HGFAC: variants seen among roughly 807,000 people sequenced by gnomAD.
The protein encoded by HGFAC is hepatocyte growth factor activator serine protease.
Under a neutral mutation model 70.6 loss-of-function variants are expected in HGFAC, and 76 were observed. The observed-to-expected ratio is 1.08, with a 90% CI of 0.89 to 1.30. The LOEUF (loss-of-function observed/expected upper bound fraction) is 1.30. HGFAC is among the 50% of genes most tolerant of loss of function. The pLI is 0.00. For missense variants in HGFAC, 1,044 were observed against 933.7 expected (o/e 1.12, Z -1.54); for synonymous variants, 464 against 405.3 (o/e 1.14, Z -1.74).
intron 12 of HGFAC, 35 bp from the exon 13 acceptor site, chr4:3,448,091 AGT>A: frequency 2.6e-6 from 4 of 1,566,648 alleles, no homozygotes; most frequent in Non-Finnish European, 3.5e-6. Flanking sequence ...GGCCAGCCAC[AGT>A]GTGGGTGTCA....
At position 3,446,166 on chromosome 4, in the gene HGFAC, C is replaced by T. The variant is rs769652550; in HGVS notation, c.1227C>T (p.Ile409=). Reference sequence around the variant, plus strand: ...GGACGTTCCTGCGGCCACGTATCATCGGCGGCTCCTCCTCGCTGCCCGGCT... The same window carrying T: ...GGACGTTCCTGCGGCCACGTATCATTGGCGGCTCCTCCTCGCTGCCCGGCT... ...KKRTFLRPRI[I]GGSSSLPGSH... is the part of the protein sequence containing the mutation. Residue 409 remains isoleucine, a synonymous_variant, in exon 10 of 14, where the codon ATC becomes ATT. Coordinates refer to ENST00000382774, the MANE Select transcript of HGFAC (RefSeq NM_001528.4). The T allele has an allele frequency of 7.2e-5, 116 of 1,611,512 alleles. 2 individuals are homozygous for T. The highest frequency in any genetic ancestry group is 5.7e-4 in the South Asian group (52 of 90,870).
intron 6 of HGFAC, 83 bp downstream of exon 6, chr4:3,444,525 C>T (rs1453061524): frequency 1.3e-6 from 2 of 1,507,144 alleles, no homozygotes; most frequent in Non-Finnish European, 1.8e-6. Context: ...GGCCTGAGGT[C>T]ACCCAGAAAC....
At chr4:3,441,235 C>T (rs551689248), upstream of HGFAC, among the ~76,000 whole-genome samples, 5 of 152,282 alleles carry the variant, frequency 3.3e-5, no homozygotes, top group South Asian at 4.1e-4. This position sits in a 1 kb window ranked among gnomAD's most constrained non-coding sequence, Gnocchi z 6.0. Flanking sequence ...ACCATCCAGG[C>T]GGCGGTGGGG....
At position 3,444,660 on chromosome 4, in the gene HGFAC, C is replaced by A; in HGVS notation, c.768C>A (p.Cys256Ter). ...LSSPCLNGGTCHLIVATGTTV... is the reference protein window; with the variant it reads ...LSSPCLNGGT ...GCCCTTGCCTGAACGGGGGCACCTG[C>A]CACCTGATCGTGGCCACCGGGACCA... Residue 256 changes from cysteine to a stop codon, truncating the protein, a stop_gained, in exon 7 of 14, where the codon TGC becomes TGA. Transcript: ENST00000382774. LOFTEE classifies it high-confidence loss of function. 1 of 1,598,210 alleles carries A rather than the reference C, an allele frequency of 6.3e-7. No homozygotes were observed. The highest frequency in any genetic ancestry group is 8.5e-7 in the Non-Finnish European group (1 of 1,178,502).
rs1432582037 is a variant in HGFAC at position 3,448,235 on chromosome 4, C to T, written c.1744C>T (p.Leu582Phe). 6.2e-7 allele frequency: 1 copy of T among 1,608,964 alleles called. No individual in the cohort carries two copies. The highest frequency in any genetic ancestry group is 8.5e-7 in the Non-Finnish European group (1 of 1,179,238). ...CGGCGCCGACATCAGCCCCAACATGCTCTGTGCCGGCTACTTCGACTGCAA... is the reference window on the plus strand; with the variant it reads ...CGGCGCCGACATCAGCCCCAACATGTTCTGTGCCGGCTACTTCGACTGCAA... ...VYGADISPNMLCAGYFDCKSD... is the reference protein window; with the variant it reads ...VYGADISPNMFCAGYFDCKSD... The change falls in exon 13 of 14, where the codon CTC becomes TTC. Residue 582 changes from leucine (L) to phenylalanine (F), a missense_variant. By Grantham distance (22) the Leu-to-Phe change is conservative. Transcript: ENST00000382774.
At position 3,447,553 on chromosome 4, in the gene HGFAC, G is replaced by A. The variant is rs560293902; in HGVS notation, c.1417G>A (p.Val473Met). The change falls in exon 11 of 14, where the codon GTG (valine) becomes ATG (methionine). Residue 473 changes from valine (V) to methionine (M), a missense_variant. By Grantham distance (21) the Val-to-Met change is conservative. Transcript: ENST00000382774. The stretch of plus-strand genomic sequence containing the variant: ...GCACTTCTTCAACCGCACGACGGAC[G>A]TGACGCAGACCTTCGGCATCGAGAA... ...GQHFFNRTTD[V>M]TQTFGIEKYI... 9.9e-6 allele frequency: 16 copies of A among 1,612,682 alleles called. No individual in the cohort carries two copies. Among genetic ancestry groups the A allele is most frequent in the Middle Eastern group, 1.7e-4 (1 of 6,060 alleles).
intron 4 of HGFAC, 63 bp from the exon 5 acceptor site, chr4:3,443,976 A>G (rs1725399467): frequency 4.0e-5 from 60 of 1,500,284 alleles, no homozygotes; most frequent in Middle Eastern, 1.8e-4. Context: ...CAAGCAGAGA[A>G]TGTCACAGAG....
intron 6 of HGFAC, 50 bp from the exon 7 acceptor site, chr4:3,444,573 T>C: frequency 6.5e-7 from 1 of 1,527,700 alleles, no homozygotes; most frequent in South Asian, 1.2e-5. Context: ...GACTCCGCTG[T>C]CGTGGGGCAC....
rs113812308 is a variant in HGFAC at position 3,448,135 on chromosome 4, C to T, written c.1644C>T (p.Ser548=). 56 of 1,591,340 alleles carry T rather than the reference C, an allele frequency of 3.5e-5. 1 individual carries two copies. The highest frequency in any genetic ancestry group is 3.5e-4 in the African/African-American group (26 of 74,618). The change falls in exon 13 of 14, where the codon AGC becomes AGT. Residue 548 remains serine, a synonymous_variant. Coordinates refer to ENST00000382774, the MANE Select transcript of HGFAC (RefSeq NM_001528.4). The part of the protein sequence containing the change: ...AGWGHLDENV[S]GYSSSLREAL... ...GGGCATTGTGTCCCACAGACGTGAG[C>T]GGCTACTCCAGCTCCCTGCGGGAGG...
upstream of HGFAC, chr4:3,441,878 C>T: frequency 3.6e-6 from 2 of 554,004 alleles, no homozygotes; most frequent in Non-Finnish European, 6.0e-6. The surrounding 1 kb of genome is among the most constrained non-coding windows in gnomAD (Gnocchi z 6.0). Flanking sequence ...GGGACTTCCT[C>T]TCCGGCTGGG....
intron 13 of HGFAC, 78 bp downstream of exon 13, chr4:3,448,354 G>A: frequency 6.6e-7 from 1 of 1,521,310 alleles, no homozygotes; most frequent in Non-Finnish European, 8.9e-7. Flanking sequence ...GCTTGCCCCT[G>A]GGGAGCCCAG....
At chr4:3,441,889 C>A (rs761791579), upstream of HGFAC, 9 of 580,978 alleles carry the variant, frequency 1.5e-5, no homozygotes, top group Non-Finnish European at 2.5e-5. The surrounding 1 kb of genome is among the most constrained non-coding windows in gnomAD (Gnocchi z 6.0). Flanking sequence ...TCCGGCTGGG[C>A]CCGCCTGACG....
rs778396584 is a variant in HGFAC, at chr4:3,444,090, C to G, written c.527C>G (p.Ser176Cys). The G allele has an allele frequency of 3.1e-6, 5 of 1,612,198 alleles. No individual in the cohort carries two copies. In the East Asian group the frequency reaches 8.9e-5, roughly 29 times the overall value. Residue 176 changes from serine (S) to cysteine (C), a missense_variant, in exon 5 of 14, where the codon TCC becomes TGC. Physicochemically the swap from Ser to Cys is moderately radical, Grantham distance 112 (BLOSUM62 -1). Transcript: ENST00000382774. ...SGPCLNGGSC[S>C]NTQDPQSYHC... Reference sequence around the variant, plus strand: ...CCCTGCCTCAATGGAGGCTCCTGCTCCAATACCCAGGACCCCCAGTCCTAT... The same window carrying G: ...CCCTGCCTCAATGGAGGCTCCTGCTGCAATACCCAGGACCCCCAGTCCTAT...
At position 3,449,185 on chromosome 4, in the gene HGFAC, G is replaced by A. The variant is rs140632987; in HGVS notation, c.1786-52G>A. ...AAGCTGCCACTTGGGGGAGAGGGGG[G>A]TCCCTGAACCAGGCCCCTGGGAGGG... On this transcript the variant is annotated intron_variant, in intron 13 of 13. Coordinates refer to ENST00000382774, the MANE Select transcript of HGFAC (RefSeq NM_001528.4). 1.3e-3 allele frequency: 2,028 copies of A among 1,536,010 alleles called. 22 individuals are homozygous for A. The African/African-American group carries it at 0.025, about 19-fold the overall frequency.
chr4:3,445,566 G>C, intron 9 of HGFAC: 1 of 607,122 alleles, frequency 1.6e-6, no homozygotes, highest in Non-Finnish European at 2.9e-6. Flanking sequence ...GTCACCAGGC[G>C]ACGGCCTCGG....
intron 2 of HGFAC, 32 bp from the exon 3 acceptor site, chr4:3,443,018 G>A: frequency 6.4e-7 from 1 of 1,563,138 alleles, no homozygotes; most frequent in Non-Finnish European, 8.7e-7. Context: ...GCCCCTCGAG[G>A]GAGCCCTGAC....
intron 1 of HGFAC, 22 bp downstream of exon 1, chr4:3,442,140 G>T (rs757756219): frequency 6.5e-7 from 1 of 1,532,274 alleles, no homozygotes; most frequent in South Asian, 1.2e-5. Flanking sequence ...CCTTGTCGCA[G>T]TGCGACCAGA....
At chr4:3,445,657 GC>G (rs1395323402) in intron 9 of HGFAC, 5 of 605,502 alleles carry the variant, frequency 8.3e-6, no homozygotes, top group Non-Finnish European at 1.5e-5. Context: ...CAGCGTGCAG[GC>G]CCCCCAGAGG....
Position 3,444,027 on chromosome 4 carries a change from G to C in HGFAC, c.476-12G>C. 1 of 1,573,252 alleles carries C rather than the reference G, an allele frequency of 6.4e-7. No homozygotes were observed. The highest frequency in any genetic ancestry group is 8.6e-7 in the Non-Finnish European group (1 of 1,164,302). On this transcript the variant is annotated splice_polypyrimidine_tract_variant and intron_variant, in intron 4 of 13. Coordinates refer to ENST00000382774, the MANE Select transcript of HGFAC (RefSeq NM_001528.4). ...CAGTCCGCCCCTCACACCCCCTCCC[G>C]CATGTCCCCAGCTGCCCTGGATCCC...
Sources: allele counts gnomAD v4.1 joint callset (sites outside exome capture counted in the v4.1 genomes callset), GRCh38; gene constraint gnomAD v4.1.1; non-coding constraint Gnocchi (gnomAD v3.1); transcripts MANE v1.5; gene names NCBI Gene and HGNC (gene_info 2026-07-23, HGNC 2026-07-21).